The following LINGO2 variants were observed in gnomAD, a reference collection of about 807,000 sequenced individuals.
The protein encoded by LINGO2 is leucine-rich repeat and immunoglobulin-like domain-containing nogo receptor-interacting protein 2.
In LINGO2, 14 loss-of-function variants were observed where a neutral mutation model predicts 30.6. That is an observed-to-expected ratio of 0.46 (90% CI 0.30 to 0.72). LINGO2 has a LOEUF of 0.72. LINGO2 is among the 30% of genes least tolerant of loss of function. The probability of loss-of-function intolerance (pLI) is 0.07; values close to 1 mark genes in which losing one functional copy is unlikely to be tolerated. For missense variants in LINGO2, 729 were observed against 751.7 expected, an observed-to-expected ratio of 0.97 and a Z score of 0.35; for synonymous variants, 317 against 288.5, an observed-to-expected ratio of 1.10 and a Z score of -1.00.
chr9:28,781,934 T>C, the LINGO2 span, among the ~76,000 whole-genome samples: 1 of 152,368 alleles, frequency 6.6e-6, no homozygotes, highest in African/African-American at 2.4e-5. Context: ...ATGTGATTGC[T>C]ATACATTTTT....
At chr9:28,649,584 G>A (rs1207276384) in intron 1 of LINGO2, among the ~76,000 whole-genome samples, 3 of 133,518 alleles carry the variant, frequency 2.2e-5, no homozygotes, top group Non-Finnish European at 4.7e-5. Context: ...ACTTAAATCA[G>A]TTAAAAAAAT....
Position 28,054,929 on chromosome 9 carries a change from C to T in LINGO2, c.-86-42524G>A, listed in dbSNP as rs1250553735. Reference sequence around the variant, plus strand: ...ATTCCTGTTTTTTGTATGCCTCATACTACAAAGCTACAGTCTTCTTTCCTC... The same window carrying T: ...ATTCCTGTTTTTTGTATGCCTCATATTACAAAGCTACAGTCTTCTTTCCTC... On this transcript the variant is annotated intron_variant, in intron 4 of 5. Coordinates refer to ENST00000379992, the Ensembl canonical transcript of LINGO2. 3.9e-5 allele frequency among the ~76,000 whole-genome samples: 6 copies of T among 152,178 alleles called. No homozygotes were observed. The South Asian group carries it at 8.3e-4, about 21-fold the overall frequency.
At chr9:28,316,676 C>G (rs1824857127) in intron 3 of LINGO2, among the ~76,000 whole-genome samples, 1 of 151,996 alleles carries the variant, frequency 6.6e-6, no homozygotes, top group African/African-American at 2.4e-5. Flanking sequence ...ATTTATGAAA[C>G]CAATATACAC....
At chr9:28,643,741 A>C (rs1563888127) in intron 1 of LINGO2, among the ~76,000 whole-genome samples, 1 of 152,118 alleles carries the variant, frequency 6.6e-6, no homozygotes. Flanking sequence ...AATGCAGTAA[A>C]GAGACAACCC....
intron 3 of LINGO2, among the ~76,000 whole-genome samples, chr9:28,322,304 T>C (rs1388768544): frequency 6.6e-6 from 1 of 152,122 alleles, no homozygotes; most frequent in African/African-American, 2.4e-5. Flanking sequence ...AATTAATCAA[T>C]GACTTCCTAT....
intron 4 of LINGO2, among the ~76,000 whole-genome samples, chr9:28,123,540 G>A (rs1216439868): frequency 6.6e-6 from 1 of 152,182 alleles, no homozygotes; most frequent in South Asian, 2.1e-4. Context: ...AGTCCTCATG[G>A]CACAGAATAT....
chr9:28,839,800 C>T, the LINGO2 span, among the ~76,000 whole-genome samples: 1 of 152,210 alleles, frequency 6.6e-6, no homozygotes, highest in Non-Finnish European at 1.5e-5. Flanking sequence ...TGGATCTTCA[C>T]TGGGATCTAC....
intron 3 of LINGO2, among the ~76,000 whole-genome samples, chr9:28,312,478 C>A (rs552326368): frequency 6.6e-6 from 1 of 152,100 alleles, no homozygotes; most frequent in South Asian, 2.1e-4. Context: ...ATTATGATTA[C>A]ATTTTAAAAA....
the LINGO2 span, among the ~76,000 whole-genome samples, chr9:28,998,923 A>C: frequency 2.0e-5 from 3 of 152,244 alleles, no homozygotes; most frequent in East Asian, 5.8e-4. Flanking sequence ...CGCTTCCGTA[A>C]TTTTAGAATG....
At chr9:28,110,810 T>C (rs940243306) in intron 4 of LINGO2, among the ~76,000 whole-genome samples, 3 of 152,186 alleles carry the variant, frequency 2.0e-5, no homozygotes, top group Admixed American at 6.5e-5. Context: ...AGTTCATCCA[T>C]TTTGGAAGAC....
rs1384280852 is a variant in LINGO2 at position 28,506,441 on chromosome 9, C to T, written c.-364-30416G>A. On this transcript the variant is annotated intron_variant, in intron 1 of 5. Transcript: ENST00000379992. ...ATATATACACACACACACACACACA[C>T]ACACACACACACACATACACATACA... Among the ~76,000 whole-genome samples the T allele has an allele frequency of 8.7e-5, 9 of 103,846 alleles. No individual in the cohort carries two copies. The Admixed American group carries it at 8.8e-4, about 10-fold the overall frequency. The allele number at this position is 103,846 out of a possible 152,430, so 68.1% of individuals were successfully genotyped here. A position where few individuals can be genotyped will look rare whatever the true frequency, so the allele number is the denominator to read the frequency against.
At chr9:28,918,491 C>T in the LINGO2 span, among the ~76,000 whole-genome samples, 1 of 152,196 alleles carries the variant, frequency 6.6e-6, no homozygotes, top group African/African-American at 2.4e-5. Context: ...TCCCATTCCT[C>T]CTCCTTTCTC....
intron 5 of LINGO2, among the ~76,000 whole-genome samples, chr9:27,956,412 A>G (rs371229786): frequency 5.4e-4 from 82 of 152,304 alleles, no homozygotes; most frequent in Middle Eastern, 3.4e-3. Flanking sequence ...TTTTTAAATT[A>G]TTGAGATATA....
chr9:28,809,842 T>C, the LINGO2 span, among the ~76,000 whole-genome samples: 1 of 150,982 alleles, frequency 6.6e-6, no homozygotes, highest in Admixed American at 6.6e-5. Context: ...CTATAGCTCA[T>C]CACACTCCGG....
chr9:28,314,581 T>C (rs886403511), intron 3 of LINGO2, among the ~76,000 whole-genome samples: 1 of 152,232 alleles, frequency 6.6e-6, no homozygotes, highest in Non-Finnish European at 1.5e-5. Context: ...TTGCCAGAGC[T>C]AGGCTTTTGT....
At chr9:29,050,124 C>T in the LINGO2 span, among the ~76,000 whole-genome samples, 99 of 152,028 alleles carry the variant, frequency 6.5e-4, no homozygotes, top group African/African-American at 2.3e-3. Flanking sequence ...CTCCTGAGTT[C>T]AAGCAATTCT....
intron 4 of LINGO2, among the ~76,000 whole-genome samples, chr9:28,031,774 A>T (rs1440751481): frequency 1.3e-5 from 2 of 152,242 alleles, no homozygotes; most frequent in African/African-American, 4.8e-5. Context: ...TATGGCAGCA[A>T]GCTGTCCAGA....
chr9:28,389,560 G>A (rs140519036), intron 2 of LINGO2, among the ~76,000 whole-genome samples: 14 of 152,240 alleles, frequency 9.2e-5, no homozygotes, highest in Middle Eastern at 3.4e-3. Context: ...ATCTCTAGAC[G>A]TCAGCATTCC....
downstream of LINGO2, among the ~76,000 whole-genome samples, chr9:27,946,718 T>G (rs1336858045): frequency 6.6e-6 from 1 of 152,152 alleles, no homozygotes; most frequent in African/African-American, 2.4e-5. Context: ...GAGCTTGATT[T>G]GCATTGTTTG....
Sources: gnomAD v4.1 joint callset for allele counts (sites outside exome capture counted in the v4.1 genomes callset) on GRCh38, gnomAD v4.1.1 for gene constraint, MANE v1.5 for transcripts, NCBI Gene and HGNC (gene_info 2026-07-23, HGNC 2026-07-21) for gene names.